EBF1: variants seen among roughly 807,000 people sequenced by gnomAD.
EBF1 encodes EBF transcription factor 1.
EBF1 carries 10 observed loss-of-function variants against 68.4 expected under a neutral mutation model. The observed-to-expected ratio is 0.15, with a 90% CI of 0.09 to 0.25. EBF1 has a LOEUF of 0.25. EBF1 is among the 10% of genes least tolerant of loss of function. The probability of loss-of-function intolerance (pLI) is 1.00; values close to 1 mark genes in which losing one functional copy is unlikely to be tolerated. For synonymous variants in EBF1, 298 were observed against 299.8 expected (o/e 0.99, Z 0.06); for missense variants, 509 against 794.4 (o/e 0.64, Z 4.32).
intron 8 of EBF1, among the ~76,000 whole-genome samples, chr5:158,821,523 G>A (rs1784816643): frequency 6.6e-6 from 1 of 152,170 alleles, no homozygotes; most frequent in Non-Finnish European, 1.5e-5. Flanking sequence ...AGTCAAGTCT[G>A]TCACCAGACT....
At chr5:159,031,049 C>T (rs1244926385) in intron 6 of EBF1, among the ~76,000 whole-genome samples, 1 of 152,022 alleles carries the variant, frequency 6.6e-6, no homozygotes, top group Non-Finnish European at 1.5e-5. Context: ...TGGTGTGTGC[C>T]TGTAATCCCA....
chr5:158,850,740 C>T (rs1792477520), intron 6 of EBF1, among the ~76,000 whole-genome samples: 1 of 152,170 alleles, frequency 6.6e-6, no homozygotes, highest in African/African-American at 2.4e-5. Flanking sequence ...GGTGTGGTGA[C>T]TCACGCCTGT....
chr5:158,708,557 C>T (rs1758421784), intron 14 of EBF1, among the ~76,000 whole-genome samples: 2 of 152,136 alleles, frequency 1.3e-5, no homozygotes, highest in Admixed American at 6.5e-5. Context: ...CAGAGTATTC[C>T]AGGCCAGGAA....
At chr5:158,736,470 G>T (rs559441872) in intron 10 of EBF1, among the ~76,000 whole-genome samples, 2 of 152,256 alleles carry the variant, frequency 1.3e-5, no homozygotes, top group East Asian at 3.9e-4. Flanking sequence ...TGTGTGACAT[G>T]ATGTCATTTT....
At chr5:159,056,920 T>C (rs557631045) in intron 6 of EBF1, among the ~76,000 whole-genome samples, 1 of 152,258 alleles carries the variant, frequency 6.6e-6, no homozygotes, top group Non-Finnish European at 1.5e-5. Context: ...ATGAAATACC[T>C]CTGGCAAACA....
intron 6 of EBF1, among the ~76,000 whole-genome samples, chr5:159,044,412 T>G (rs1273322141): frequency 1.3e-5 from 2 of 152,170 alleles, no homozygotes; most frequent in Non-Finnish European, 2.9e-5. Flanking sequence ...ATACTTAAAT[T>G]TTCATATAAT....
At chr5:159,064,291 A>G (rs1776362414) in intron 6 of EBF1, among the ~76,000 whole-genome samples, 1 of 152,210 alleles carries the variant, frequency 6.6e-6, no homozygotes, top group Non-Finnish European at 1.5e-5. Flanking sequence ...TGTGCTGTGG[A>G]TAGCAAGAAA....
chr5:158,765,914 C>A (rs911099011), intron 10 of EBF1, among the ~76,000 whole-genome samples: 4 of 152,144 alleles, frequency 2.6e-5, no homozygotes, highest in African/African-American at 9.7e-5. Flanking sequence ...GACCCAGCAA[C>A]GGGAAAGAAA....
At chr5:159,029,211 T>C (rs1193260325) in intron 6 of EBF1, among the ~76,000 whole-genome samples, 1 of 152,120 alleles carries the variant, frequency 6.6e-6, no homozygotes, top group Non-Finnish European at 1.5e-5. Flanking sequence ...AAAGCCCAAT[T>C]TGAATCTATT....
chr5:159,063,564 T>A (rs1330178320), intron 6 of EBF1, among the ~76,000 whole-genome samples: 1 of 152,228 alleles, frequency 6.6e-6, no homozygotes, highest in African/African-American at 2.4e-5. Context: ...GAAAGCTGCA[T>A]GAAGCCAGGA....
intron 6 of EBF1, among the ~76,000 whole-genome samples, chr5:158,958,747 C>G (rs1817620327): frequency 6.6e-6 from 1 of 152,156 alleles, no homozygotes. Flanking sequence ...GAAGAGGCTT[C>G]AGATCCAGAT....
chr5:158,704,748 C>G (rs1022242773), intron 15 of EBF1, among the ~76,000 whole-genome samples: 2 of 152,084 alleles, frequency 1.3e-5, no homozygotes, highest in African/African-American at 4.8e-5. Flanking sequence ...AAAACTGGTG[C>G]CCACCTAAGG....
chr5:159,077,783 A>G (rs1413098351), intron 5 of EBF1, among the ~76,000 whole-genome samples: 1 of 106,868 alleles, frequency 9.4e-6, no homozygotes, highest in Admixed American at 1.4e-4. Context: ...CCCAGGCTGG[A>G]GTGCAGTGGT....
At chr5:159,091,966 T>C (rs548118672) in intron 4 of EBF1, among the ~76,000 whole-genome samples, 8 of 152,296 alleles carry the variant, frequency 5.3e-5, no homozygotes, top group African/African-American at 1.9e-4. Context: ...TTGGTATCTT[T>C]TCTTTGAATT....
intron 6 of EBF1, among the ~76,000 whole-genome samples, chr5:159,016,417 G>A (rs984427777): frequency 3.3e-5 from 5 of 152,102 alleles, no homozygotes; most frequent in African/African-American, 1.2e-4. Context: ...ACTTCTTGAG[G>A]TGAGGCTTGA....
chr5:158,911,288 T>C (rs1326209541), intron 6 of EBF1, among the ~76,000 whole-genome samples: 1 of 152,184 alleles, frequency 6.6e-6, no homozygotes, highest in Non-Finnish European at 1.5e-5. Context: ...GGCTTGCTCA[T>C]TTACCTCTGT....
At chr5:158,868,390 A>G (rs1399876334) in intron 6 of EBF1, among the ~76,000 whole-genome samples, 2 of 152,320 alleles carry the variant, frequency 1.3e-5, no homozygotes, top group Middle Eastern at 3.4e-3. Context: ...ACATGTTTTT[A>G]TTACATGTCT....
intron 8 of EBF1, among the ~76,000 whole-genome samples, chr5:158,815,537 G>A (rs13164506): frequency 0.18 from 27,477 of 152,032 alleles, 2,786 homozygotes; most frequent in African/African-American, 0.26. Flanking sequence ...CAACAATAGT[G>A]GTAGTAAATA....
At chr5:158,832,600 CAG>C (rs936873784) in intron 7 of EBF1, among the ~76,000 whole-genome samples, 1 of 152,156 alleles carries the variant, frequency 6.6e-6, no homozygotes, top group African/African-American at 2.4e-5. Flanking sequence ...ACATCCAAGA[CAG>C]GGGCTGGGAG....
Sources: allele counts gnomAD v4.1 joint callset (sites outside exome capture counted in the v4.1 genomes callset), GRCh38; gene constraint gnomAD v4.1.1; transcripts MANE v1.5; gene names NCBI Gene and HGNC (gene_info 2026-07-23, HGNC 2026-07-21).